Variants in DRC11 observed in about 807,000 individuals in gnomAD.
DRC11 encodes IQ and AAA domain-containing protein 1.
the DRC11 span, among the ~76,000 whole-genome samples, chr2:236,436,800 A>C: frequency 6.6e-6 from 1 of 152,198 alleles, no homozygotes; most frequent in African/African-American, 2.4e-5. Flanking sequence ...CCTGGCACAG[A>C]ATATTTGTCC....
chr2:236,319,566 C>T, the DRC11 span, among the ~76,000 whole-genome samples: 16 of 152,270 alleles, frequency 1.1e-4, no homozygotes, highest in Middle Eastern at 3.4e-3. This position sits in a 1 kb window ranked among gnomAD's most constrained non-coding sequence, Gnocchi z 6.7. Flanking sequence ...AGTCACCTGA[C>T]AACAAAACCA....
At chr2:236,459,422 G>T in the DRC11 span, among the ~76,000 whole-genome samples, 14 of 151,090 alleles carry the variant, frequency 9.3e-5, no homozygotes, top group African/African-American at 3.1e-4. Flanking sequence ...AAGGACAAGC[G>T]AAATCTCAAT....
chr2:236,450,237 T>C, the DRC11 span, among the ~76,000 whole-genome samples: 2 of 152,046 alleles, frequency 1.3e-5, no homozygotes, highest in African/African-American at 2.4e-5. Flanking sequence ...AATATTTTTG[T>C]TTCTAGAGTT....
chr2:236,320,822 C>CCCTCCGCCGGTA, the DRC11 span, among the ~76,000 whole-genome samples: 6 of 139,968 alleles, frequency 4.3e-5, no homozygotes, highest in Admixed American at 7.1e-5. Context: ...CTCCGCCGGT[C>CCCTCCGCCGGTA]CCTCCGCCGG....
At chr2:236,408,552 G>A in the DRC11 span, 1 of 727,834 alleles carries the variant, frequency 1.4e-6, no homozygotes, top group Non-Finnish European at 2.6e-6. This position sits in a 1 kb window ranked among gnomAD's most constrained non-coding sequence, Gnocchi z 5.5. Context: ...CCTTCTTCTG[G>A]CGTGGAGGAA....
the DRC11 span, among the ~76,000 whole-genome samples, chr2:236,351,138 G>C: frequency 1.3e-5 from 2 of 152,204 alleles, no homozygotes; most frequent in African/African-American, 2.4e-5. This position sits in a 1 kb window ranked among gnomAD's most constrained non-coding sequence, Gnocchi z 7.3. Context: ...GACATTTACA[G>C]AAGAGCTTGG....
At chr2:236,394,124 T>C in the DRC11 span, among the ~76,000 whole-genome samples, 1,017 of 152,276 alleles carry the variant, frequency 6.7e-3, 4 homozygotes, top group Non-Finnish European at 0.011. The surrounding 1 kb of genome is among the most constrained non-coding windows in gnomAD (Gnocchi z 7.0). Context: ...GCCTACCTCA[T>C]TGACACTCTG....
chr2:236,381,418 C>A, the DRC11 span, among the ~76,000 whole-genome samples: 37 of 151,766 alleles, frequency 2.4e-4, no homozygotes, highest in African/African-American at 8.7e-4. This position sits in a 1 kb window ranked among gnomAD's most constrained non-coding sequence, Gnocchi z 5.8. Flanking sequence ...ATAAATTACT[C>A]AGCCTAAGAA....
chr2:236,463,537 CTCAG>C, the DRC11 span, among the ~76,000 whole-genome samples: 1 of 152,110 alleles, frequency 6.6e-6, no homozygotes, highest in Non-Finnish European at 1.5e-5. The surrounding 1 kb of genome is among the most constrained non-coding windows in gnomAD (Gnocchi z 5.0). Flanking sequence ...AGATGGAACT[CTCAG>C]TCAAAAACAT....
the DRC11 span, among the ~76,000 whole-genome samples, chr2:236,327,117 C>G: frequency 6.6e-6 from 1 of 152,174 alleles, no homozygotes; most frequent in Non-Finnish European, 1.5e-5. Flanking sequence ...ATAAGATCCT[C>G]TAAACTCAAA....
the DRC11 span, among the ~76,000 whole-genome samples, chr2:236,357,804 AAT>A: frequency 7.9e-6 from 1 of 126,164 alleles, no homozygotes; most frequent in African/African-American, 3.2e-5. Context: ...ATACTATATA[AAT>A]ATAGAATATA....
the DRC11 span, among the ~76,000 whole-genome samples, chr2:236,356,687 G>A: frequency 4.6e-5 from 7 of 151,908 alleles, no homozygotes; most frequent in African/African-American, 1.7e-4. Context: ...GCCTTAGCAT[G>A]TGCCTGACTC....
chr2:236,459,343 A>G, the DRC11 span, among the ~76,000 whole-genome samples: 1 of 151,922 alleles, frequency 6.6e-6, no homozygotes, highest in Non-Finnish European at 1.5e-5. Context: ...CAATTAATTA[A>G]CTAGTGCATC....
At chr2:236,487,696 A>G in the DRC11 span, among the ~76,000 whole-genome samples, 2 of 152,232 alleles carry the variant, frequency 1.3e-5, no homozygotes, top group Non-Finnish European at 2.9e-5. Context: ...CCAAAAATCC[A>G]TTAAGGATTT....
chr2:236,408,506 C>T, the DRC11 span: 125 of 733,904 alleles, frequency 1.7e-4, no homozygotes, highest in African/African-American at 7.9e-4. This position sits in a 1 kb window ranked among gnomAD's most constrained non-coding sequence, Gnocchi z 5.5. Context: ...TTCTTGGCCA[C>T]GGTGCCTCTG....
chr2:236,465,860 C>T, the DRC11 span: 1 of 620,342 alleles, frequency 1.6e-6, no homozygotes. The surrounding 1 kb of genome is among the most constrained non-coding windows in gnomAD (Gnocchi z 6.2). Context: ...GCAAAGCTAA[C>T]TGAGTGCATT....
the DRC11 span, among the ~76,000 whole-genome samples, chr2:236,343,989 T>C: frequency 6.6e-6 from 1 of 152,088 alleles, no homozygotes; most frequent in African/African-American, 2.4e-5. The surrounding 1 kb of genome is among the most constrained non-coding windows in gnomAD (Gnocchi z 6.6). Flanking sequence ...TTGGTGCAAA[T>C]TGATGTGGAA....
the DRC11 span, among the ~76,000 whole-genome samples, chr2:236,409,294 T>G: frequency 0.17 from 25,962 of 152,102 alleles, 2,482 homozygotes; most frequent in Non-Finnish European, 0.22. Flanking sequence ...TGTTTGTAGG[T>G]TTGTAGTTCT....
chr2:236,318,493 ATGTGTATC>A, the DRC11 span, among the ~76,000 whole-genome samples: 3 of 151,944 alleles, frequency 2.0e-5, no homozygotes, highest in Admixed American at 1.3e-4. This position sits in a 1 kb window ranked among gnomAD's most constrained non-coding sequence, Gnocchi z 7.0. Context: ...GTATGTATGC[ATGTGTATC>A]TGTGTATGTG....
Sources: allele counts gnomAD v4.1 joint callset (sites outside exome capture counted in the v4.1 genomes callset), GRCh38; gene constraint gnomAD v4.1.1; non-coding constraint Gnocchi (gnomAD v3.1); transcripts MANE v1.5; gene names NCBI Gene and HGNC (gene_info 2026-07-23, HGNC 2026-07-21).